EYS: variants seen among roughly 807,000 people sequenced by gnomAD.
EYS encodes EGF-like photoreceptor maintenance factor.
In EYS, 250 loss-of-function variants were observed where a neutral mutation model predicts 282.1. The observed-to-expected ratio is 0.89, with a 90% CI of 0.80 to 0.98. The LOEUF is 0.98. Ranked by LOEUF, EYS falls within the 50% of genes least tolerant of loss-of-function variation. The pLI is 0.00. For missense variants in EYS, 4,016 were observed against 3,709.0 expected (o/e 1.08, Z -2.15); for synonymous variants, 1,355 against 1,282.9 (o/e 1.06, Z -1.20).
intron 22 of EYS, among the ~76,000 whole-genome samples, chr6:64,686,743 A>ATATATATATATATATATGTG (rs1491456761): frequency 8.1e-4 from 9 of 11,068 alleles, no homozygotes; most frequent in Non-Finnish European, 1.6e-3. Flanking sequence ...TTCCATCTAA[A>ATATATATATATATATATGTG]TATATATATA....
At chr6:65,165,775 T>A (rs137960791) in intron 12 of EYS, among the ~76,000 whole-genome samples, 2 of 151,104 alleles carry the variant, frequency 1.3e-5, no homozygotes, top group African/African-American at 4.8e-5. Flanking sequence ...GAAAGGGACA[T>A]TAAAACTATC....
intron 2 of EYS, among the ~76,000 whole-genome samples, chr6:65,572,231 G>A (rs866522825): frequency 1.2e-4 from 18 of 152,010 alleles, no homozygotes; most frequent in African/African-American, 2.9e-4. Flanking sequence ...ATATCCTTAC[G>A]GAGATACAAA....
chr6:64,088,843 A>G (rs908384038), intron 31 of EYS, among the ~76,000 whole-genome samples: 5 of 152,008 alleles, frequency 3.3e-5, no homozygotes, highest in Non-Finnish European at 5.9e-5. Flanking sequence ...TGTCTACAGC[A>G]CAAATCCCCT....
intron 31 of EYS, among the ~76,000 whole-genome samples, chr6:64,094,630 A>G (rs968376478): frequency 1.3e-5 from 2 of 151,714 alleles, no homozygotes; most frequent in African/African-American, 2.4e-5. Flanking sequence ...TATTGCATCT[A>G]TTTGATTCTT....
chr6:65,416,110 G>A (rs1193586581), intron 5 of EYS, among the ~76,000 whole-genome samples: 1 of 151,756 alleles, frequency 6.6e-6, no homozygotes, highest in Non-Finnish European at 1.5e-5. Context: ...ATGAAAGTAT[G>A]GTAAAGGCTC....
rs190374388 is a variant in EYS at position 65,019,739 on chromosome 6, T to C, written c.2138-22036A>G. Among the ~76,000 whole-genome samples, 86 of 152,282 alleles carry C rather than the reference T, an allele frequency of 5.6e-4. 1 individual carries two copies. The highest frequency in any genetic ancestry group is 2.1e-3 in the African/African-American group (86 of 41,542). ...CTCCAGGTAGGCACCCAACTCTTAG[T>C]AATTGTATTAGTCCATTCTCATGAG... On this transcript the variant is annotated intron_variant, in intron 13 of 42. Coordinates refer to ENST00000503581, the MANE Select transcript of EYS (RefSeq NM_001142800.2).
Position 63,987,605 on chromosome 6 carries a change from A to G in EYS, c.6835-3002T>C, listed in dbSNP as rs116265884. 8.3e-3 allele frequency among the ~76,000 whole-genome samples: 1,253 copies of G among 151,812 alleles called. 20 individuals carry two copies. The highest frequency in any genetic ancestry group is 0.027 in the African/African-American group (1,106 of 41,496). ...ACACTGCTCTTCAGGGCTGTTAGGC[A>G]TATGGCAGGTAGATGCAGCAACATT... On this transcript the variant is annotated intron_variant, in intron 34 of 42. Transcript: ENST00000503581.
chr6:63,883,897 T>C (rs1335417728), intron 35 of EYS, among the ~76,000 whole-genome samples: 1 of 152,224 alleles, frequency 6.6e-6, no homozygotes, highest in Non-Finnish European at 1.5e-5. Flanking sequence ...GAAGAGCCTT[T>C]CCTCTAATCC....
chr6:64,546,746 T>C (rs1353369140), intron 26 of EYS, among the ~76,000 whole-genome samples: 1 of 152,156 alleles, frequency 6.6e-6, no homozygotes, highest in Non-Finnish European at 1.5e-5. Context: ...AGAAGACATT[T>C]ATGCAGCCAA....
chr6:65,632,378 T>C (rs1766947705), intron 2 of EYS, among the ~76,000 whole-genome samples: 1 of 152,176 alleles, frequency 6.6e-6, no homozygotes. Flanking sequence ...CAATGTCTAA[T>C]AAAATTTTTC....
At chr6:64,794,059 G>A (rs9360076) in intron 22 of EYS, among the ~76,000 whole-genome samples, 63,168 of 151,992 alleles carry the variant, frequency 0.42, 15,641 homozygotes, top group Admixed American at 0.59. Context: ...AAGTTTGACT[G>A]TTTTGGATAC....
At position 64,353,568 on chromosome 6, in the gene EYS, C is replaced by T. The variant is rs185306608; in HGVS notation, c.6078+35122G>A. ...CTCTGGGTTTGTTGATGACAGAAATCTCACCCTCTGTAATTTATCCTTATG... is the reference window on the plus strand; with the variant it reads ...CTCTGGGTTTGTTGATGACAGAAATTTCACCCTCTGTAATTTATCCTTATG... On this transcript the variant is annotated intron_variant, in intron 29 of 42. Transcript: ENST00000503581. 1.4e-4 allele frequency among the ~76,000 whole-genome samples: 21 copies of T among 151,680 alleles called. No individual in the cohort carries two copies. In the East Asian group the frequency reaches 3.9e-3, roughly 28 times the overall value.
rs549298681 is a variant in EYS, at chr6:64,569,901, G to A, written c.5644+20322C>T. Reference sequence around the variant, plus strand: ...CGGGATATTATCCAGAACTTCCCCTGGCAAGACAGTCCAACATTCAAATTC... The same window carrying A: ...CGGGATATTATCCAGAACTTCCCCTAGCAAGACAGTCCAACATTCAAATTC... On this transcript the variant is annotated intron_variant, in intron 26 of 42. Transcript: ENST00000503581. 1.6e-3 allele frequency among the ~76,000 whole-genome samples: 250 copies of A among 151,836 alleles called. 1 individual carries two copies. In the South Asian group the frequency reaches 0.017, roughly 10 times the overall value.
intron 26 of EYS, among the ~76,000 whole-genome samples, chr6:64,475,196 A>G (rs1776223394): frequency 6.6e-6 from 1 of 152,146 alleles, no homozygotes; most frequent in African/African-American, 2.4e-5. Context: ...CATACACTGT[A>G]TTTCTGCCTC....
chr6:64,060,012 G>A (rs372582538), intron 33 of EYS, among the ~76,000 whole-genome samples: 12 of 152,032 alleles, frequency 7.9e-5, no homozygotes, highest in African/African-American at 2.9e-4. Context: ...TTTTTAATAT[G>A]AAAATCTTGC....
At chr6:64,156,896 A>AT (rs1017019648) in intron 31 of EYS, among the ~76,000 whole-genome samples, 1 of 151,076 alleles carries the variant, frequency 6.6e-6, no homozygotes, top group Non-Finnish European at 1.5e-5. Flanking sequence ...TAATTAATTT[A>AT]TTTTTTTATT....
At chr6:64,700,797 A>C (rs933796845) in intron 22 of EYS, among the ~76,000 whole-genome samples, 2 of 152,030 alleles carry the variant, frequency 1.3e-5, no homozygotes, top group African/African-American at 4.8e-5. Context: ...TGGCCACACT[A>C]TCCAAAGCAA....
At chr6:65,507,147 C>T (rs907270153) in intron 2 of EYS, among the ~76,000 whole-genome samples, 2 of 151,356 alleles carry the variant, frequency 1.3e-5, no homozygotes, top group South Asian at 4.2e-4. Flanking sequence ...TTTTGTTAGT[C>T]TGAGAAAGTT....
At chr6:64,557,345 T>C (rs72874977) in intron 26 of EYS, among the ~76,000 whole-genome samples, 21,459 of 151,966 alleles carry the variant, frequency 0.14, 1,559 homozygotes, top group South Asian at 0.23. Context: ...GGCATATTTG[T>C]ATATTTTTAA....
Sources: allele counts gnomAD v4.1 joint callset (sites outside exome capture counted in the v4.1 genomes callset), GRCh38; gene constraint gnomAD v4.1.1; transcripts MANE v1.5; gene names NCBI Gene and HGNC (gene_info 2026-07-23, HGNC 2026-07-21).